NADK2: variants seen among roughly 807,000 people sequenced by gnomAD.
NADK2 encodes the protein NAD kinase domain-containing protein 1, mitochondrial.
NADK2 carries 35 observed loss-of-function variants against 62.1 expected under a neutral mutation model. That is an observed-to-expected ratio of 0.56 (90% CI 0.43 to 0.75). NADK2 has a LOEUF of 0.75. NADK2 is among the 30% of genes least tolerant of loss of function. The pLI, the probability that NADK2 is intolerant of heterozygous loss-of-function variation, is 0.00. For synonymous variants in NADK2, 205 were observed against 207.9 expected (o/e 0.99, Z 0.12); for missense variants, 439 against 561.3 (o/e 0.78, Z 2.20).
chr5:36,228,914 C>T (rs554275715), intron 1 of NADK2, among the ~76,000 whole-genome samples: 6 of 151,942 alleles, frequency 3.9e-5, no homozygotes, highest in South Asian at 4.1e-4. Flanking sequence ...TGTGAGCCAT[C>T]ACACCCAGCC....
At chr5:36,199,101 A>G (rs1380081242) in intron 10 of NADK2, among the ~76,000 whole-genome samples, 1 of 152,014 alleles carries the variant, frequency 6.6e-6, no homozygotes, top group African/African-American at 2.4e-5. Context: ...ACCTAATGCT[A>G]AATGACGAGT....
chr5:36,192,856 G>A lies in NADK2; in HGVS notation c.*2288C>T, dbSNP rs1286665686. ...GTTTTCAAATAATGACCCCTTGAGA[G>A]GGAAATAAGAAATGTTAAAAAGAAG... is the stretch of plus-strand genomic sequence containing the variant. On this transcript the variant is annotated 3_prime_UTR_variant, in exon 12 of 12. Coordinates refer to ENST00000381937, the MANE Select transcript of NADK2 (RefSeq NM_001085411.3). 2 of 152,072 alleles carry A rather than the reference G, an allele frequency of 1.3e-5. No individual in the cohort carries two copies. The highest frequency in any genetic ancestry group is 2.9e-5 in the Non-Finnish European group (2 of 68,000). The allele number at this position is 152,072 out of a possible 1,614,324, so 9.4% of individuals were successfully genotyped here. A position where few individuals can be genotyped will look rare whatever the true frequency, so the allele number is the denominator to read the frequency against.
chr5:36,230,049 G>T (rs1345622283), intron 1 of NADK2, among the ~76,000 whole-genome samples: 2 of 151,708 alleles, frequency 1.3e-5, no homozygotes, highest in African/African-American at 4.8e-5. Context: ...TCTGACAGGG[G>T]TTCCCTACTT....
chr5:36,211,750 T>C, intron 7 of NADK2, 94 bp downstream of exon 7: 2 of 1,047,148 alleles, frequency 1.9e-6, no homozygotes, highest in Admixed American at 2.2e-5. Context: ...CAAAATATTA[T>C]TCACAAATCT....
At chr5:36,204,473 T>C (rs961542951) in intron 8 of NADK2, among the ~76,000 whole-genome samples, 2 of 152,090 alleles carry the variant, frequency 1.3e-5, no homozygotes, top group African/African-American at 4.8e-5. Context: ...CTATTTCTAA[T>C]TTCACTCTAG....
At chr5:36,201,071 G>A (rs1359677517) in intron 9 of NADK2, 35 bp downstream of exon 9, 2 of 1,579,776 alleles carry the variant, frequency 1.3e-6, no homozygotes, top group East Asian at 2.2e-5. Flanking sequence ...CTGCGGATAA[G>A]AGGGGACTAC....
intron 1 of NADK2, among the ~76,000 whole-genome samples, chr5:36,240,125 C>T (rs1213969419): frequency 6.6e-6 from 1 of 152,228 alleles, no homozygotes; most frequent in Admixed American, 6.5e-5. Flanking sequence ...CATTACTAGT[C>T]CCTATCTCAC....
intron 7 of NADK2, among the ~76,000 whole-genome samples, chr5:36,207,488 TA>T (rs372202511): frequency 5.7e-4 from 86 of 152,158 alleles, no homozygotes; most frequent in African/African-American, 1.9e-3. Context: ...GTCTGATTTA[TA>T]TATTCCTTTC....
At chr5:36,231,841 A>G (rs1425381227) in intron 1 of NADK2, among the ~76,000 whole-genome samples, 1 of 152,212 alleles carries the variant, frequency 6.6e-6, no homozygotes, top group Non-Finnish European at 1.5e-5. Flanking sequence ...GAAATTTAGA[A>G]CACATTCCCA....
intron 1 of NADK2, among the ~76,000 whole-genome samples, chr5:36,235,959 T>C (rs1747892842): frequency 6.6e-6 from 1 of 151,714 alleles, no homozygotes; most frequent in African/African-American, 2.4e-5. Flanking sequence ...GCTGATATTT[T>C]GAAATTATAT....
chr5:36,241,561 A>T lies in NADK2; in HGVS notation c.238T>A (p.Tyr80Asn). 1.3e-6 allele frequency: 2 copies of T among 1,558,044 alleles called. No homozygotes were observed. The highest frequency in any genetic ancestry group is 1.7e-6 in the Non-Finnish European group (2 of 1,161,712). ...CGGTACCGCTGCTGCTCGAACTCGTACCGGGTGGTTTTGGCCACCACCACC... is the reference window on the plus strand; with the variant it reads ...CGGTACCGCTGCTGCTCGAACTCGTTCCGGGTGGTTTTGGCCACCACCACC... ...RVVVVAKTTR[Y>N]EFEQQRYRYA... The change falls in exon 1 of 12, where the codon TAC becomes AAC. Residue 80 changes from tyrosine (Y) to asparagine (N), a missense_variant. Tyr to Asn is a moderately radical substitution (Grantham distance 143, BLOSUM62 -2). Coordinates refer to ENST00000381937, the MANE Select transcript of NADK2 (RefSeq NM_001085411.3). The surrounding 1 kb of genome is among the most constrained non-coding windows in gnomAD (Gnocchi z 4.9).
intron 10 of NADK2, among the ~76,000 whole-genome samples, chr5:36,199,424 T>G (rs1746357752): frequency 6.6e-6 from 1 of 152,088 alleles, no homozygotes; most frequent in East Asian, 1.9e-4. Context: ...GTTTGGAGTT[T>G]TATAAAAAAC....
intron 8 of NADK2, among the ~76,000 whole-genome samples, chr5:36,206,096 G>T (rs961464343): frequency 5.3e-5 from 8 of 151,946 alleles, no homozygotes; most frequent in African/African-American, 1.9e-4. Context: ...TGAACAATCG[G>T]AACACATGGA....
chr5:36,221,991 AT>A (rs1412742246), intron 4 of NADK2: 1 of 151,794 alleles, frequency 6.6e-6, no homozygotes, highest in Non-Finnish European at 1.5e-5. Context: ...TCAATCATTC[AT>A]TTTTCAATTC....
chr5:36,218,468 T>C (rs919763528), intron 5 of NADK2, among the ~76,000 whole-genome samples: 1 of 152,230 alleles, frequency 6.6e-6, no homozygotes, highest in Non-Finnish European at 1.5e-5. Flanking sequence ...ATGGGACAGA[T>C]TCTGCTAGGT....
intron 1 of NADK2, among the ~76,000 whole-genome samples, chr5:36,231,918 T>C (rs191355050): frequency 6.6e-6 from 1 of 151,652 alleles, no homozygotes. Context: ...AACCTGTTAA[T>C]TCTTCTCTCC....
At chr5:36,227,979 A>T (rs1354379885) in intron 1 of NADK2, among the ~76,000 whole-genome samples, 1 of 151,050 alleles carries the variant, frequency 6.6e-6, no homozygotes, top group Non-Finnish European at 1.5e-5. Flanking sequence ...ATGACTTTTT[A>T]ACACACTGCA....
intron 11 of NADK2, among the ~76,000 whole-genome samples, chr5:36,195,975 T>C (rs900095989): frequency 2.6e-5 from 2 of 77,146 alleles, no homozygotes; most frequent in Non-Finnish European, 3.9e-5. Flanking sequence ...GTAATAGTAA[T>C]AGTAGTGTGT....
chr5:36,218,580 T>C (rs1478532222), intron 5 of NADK2, among the ~76,000 whole-genome samples: 1 of 152,188 alleles, frequency 6.6e-6, no homozygotes, highest in Non-Finnish European at 1.5e-5. Flanking sequence ...ATGAAATGAT[T>C]CTTGAAAAGA....
Sources: allele counts gnomAD v4.1 joint callset (sites outside exome capture counted in the v4.1 genomes callset), GRCh38; gene constraint gnomAD v4.1.1; non-coding constraint Gnocchi (gnomAD v3.1); transcripts MANE v1.5; gene names NCBI Gene and HGNC (gene_info 2026-07-23, HGNC 2026-07-21).